The following ABLIM1 variants were observed in gnomAD, a reference collection of about 807,000 sequenced individuals.
ABLIM1 encodes actin-binding LIM protein 1.
Under a neutral mutation model 107.0 loss-of-function variants are expected in ABLIM1, and 40 were observed. That is an observed-to-expected ratio of 0.37 (90% CI 0.29 to 0.49). The LOEUF (loss-of-function observed/expected upper bound fraction) is 0.49, where lower values mean the gene tolerates loss of function less well. Among genes scored for constraint, ABLIM1 ranks in the 20% least tolerant of loss-of-function variants. ABLIM1 has a pLI of 0.97. For synonymous variants in ABLIM1, 357 were observed against 357.3 expected, an observed-to-expected ratio of 1.00 and a Z score of 0.01; for missense variants, 857 against 1,008.5, an observed-to-expected ratio of 0.85 and a Z score of 2.04.
intron 1 of ABLIM1, among the ~76,000 whole-genome samples, chr10:114,647,439 C>G (rs1238967814): frequency 1.3e-5 from 2 of 152,208 alleles, no homozygotes; most frequent in Non-Finnish European, 2.9e-5. Context: ...CATGATAGCA[C>G]TTCAGGGAAA....
chr10:114,604,039 A>G (rs2076237987), intron 1 of ABLIM1, among the ~76,000 whole-genome samples: 1 of 152,202 alleles, frequency 6.6e-6, no homozygotes, highest in African/African-American at 2.4e-5. Flanking sequence ...TTCTTATAAG[A>G]AAGAAGACAA....
chr10:114,710,039 G>C (rs2081513993), intron 1 of ABLIM1, among the ~76,000 whole-genome samples: 1 of 152,060 alleles, frequency 6.6e-6, no homozygotes, highest in African/African-American at 2.4e-5. Context: ...TATTTACTTG[G>C]GCAAGAGTTG....
chr10:114,663,639 T>A (rs997762167), intron 1 of ABLIM1, among the ~76,000 whole-genome samples: 1 of 152,220 alleles, frequency 6.6e-6, no homozygotes, highest in Non-Finnish European at 1.5e-5. Flanking sequence ...TAATTATCAT[T>A]CCTCCTGGTT....
At chr10:114,441,424 G>A (rs2060180750) in intron 18 of ABLIM1, among the ~76,000 whole-genome samples, 1 of 152,158 alleles carries the variant, frequency 6.6e-6, no homozygotes. Flanking sequence ...AATGGTTCAA[G>A]TAATTACTTT....
chr10:114,447,606 C>G (rs1289631085), intron 15 of ABLIM1, among the ~76,000 whole-genome samples: 1 of 152,208 alleles, frequency 6.6e-6, no homozygotes, highest in Non-Finnish European at 1.5e-5. Context: ...GCAGTATTAA[C>G]TCTGAGAGTC....
At chr10:114,491,718 C>CA in intron 7 of ABLIM1, 73 bp downstream of exon 7, 2 of 1,436,434 alleles carry the variant, frequency 1.4e-6, no homozygotes, top group Non-Finnish European at 1.9e-6. Flanking sequence ...TCTCTAAAAA[C>CA]AATCAAACAA....
chr10:114,693,386 A>T (rs1456650135), intron 1 of ABLIM1, among the ~76,000 whole-genome samples: 2 of 152,124 alleles, frequency 1.3e-5, no homozygotes, highest in East Asian at 1.9e-4. Flanking sequence ...AGTGTAAGTG[A>T]CTACAGCAAG....
intron 6 of ABLIM1, chr10:114,502,459 G>A (rs1184815251): frequency 6.6e-6 from 1 of 152,092 alleles, no homozygotes; most frequent in Non-Finnish European, 1.5e-5. Context: ...CACCTTCTTT[G>A]TAGGGGGAAA....
chr10:114,632,798 G>A (rs1217323647), intron 1 of ABLIM1: 1 of 985,194 alleles, frequency 1.0e-6, no homozygotes, highest in Non-Finnish European at 1.2e-6. Context: ...ATATACCAGG[G>A]AGGAACTCCA....
the ABLIM1 span, among the ~76,000 whole-genome samples, chr10:114,788,333 A>AT: frequency 7.5e-6 from 1 of 133,704 alleles, no homozygotes; most frequent in Non-Finnish European, 1.5e-5. Context: ...CAATAAAAAA[A>AT]TAAAAAAAAA....
rs949801903 is a variant in ABLIM1, at chr10:114,444,217, C to T, written c.1828-83G>A. The T allele has an allele frequency of 8.6e-6, 10 of 1,166,764 alleles. No individual in the cohort carries two copies. In the African/African-American group the frequency reaches 1.4e-4, roughly 16 times the overall value. The allele number at this position is 1,166,764 out of a possible 1,614,324, so 72.3% of individuals were successfully genotyped here. A position where few individuals can be genotyped will look rare whatever the true frequency, so the allele number is the denominator to read the frequency against. On this transcript the variant is annotated intron_variant, in intron 16 of 22. Coordinates refer to ENST00000533213, the MANE Select transcript of ABLIM1 (RefSeq NM_002313.7). ...TCATGGAGCTGCAGTTTCTTTGTAG[C>T]AGATCCCACAAGAAGTTTCTCTTGC...
intron 1 of ABLIM1, among the ~76,000 whole-genome samples, chr10:114,752,092 T>C (rs1271912664): frequency 6.6e-6 from 1 of 152,176 alleles, no homozygotes; most frequent in East Asian, 1.9e-4. Context: ...AGATGATGCA[T>C]TACAGGAATT....
chr10:114,519,593 T>C (rs1471799285), intron 6 of ABLIM1, among the ~76,000 whole-genome samples: 1 of 152,168 alleles, frequency 6.6e-6, no homozygotes, highest in Non-Finnish European at 1.5e-5. Context: ...TATTAATGAG[T>C]ACATCCAAGG....
intron 1 of ABLIM1, among the ~76,000 whole-genome samples, chr10:114,621,134 C>T (rs186447107): frequency 4.6e-5 from 7 of 152,316 alleles, no homozygotes; most frequent in Non-Finnish European, 4.4e-5. Flanking sequence ...GTCCCTTTCT[C>T]GCCATCCTCT....
intron 5 of ABLIM1, among the ~76,000 whole-genome samples, chr10:114,545,621 A>AT (rs2137544073): frequency 6.6e-6 from 1 of 152,304 alleles, no homozygotes; most frequent in African/African-American, 2.4e-5. Flanking sequence ...TATAATACAT[A>AT]TAGTTATTAA....
At chr10:114,574,057 G>C (rs548424798) in intron 3 of ABLIM1, among the ~76,000 whole-genome samples, 8 of 152,250 alleles carry the variant, frequency 5.3e-5, no homozygotes, top group African/African-American at 1.9e-4. Flanking sequence ...TGAATATTTT[G>C]TGTCTTATTA....
At chr10:114,512,806 C>T (rs757499160) in intron 6 of ABLIM1, among the ~76,000 whole-genome samples, 15 of 140,398 alleles carry the variant, frequency 1.1e-4, no homozygotes, top group Non-Finnish European at 2.0e-4. Context: ...GCCTGGGTGA[C>T]AGAGTGAGAC....
intron 1 of ABLIM1, among the ~76,000 whole-genome samples, chr10:114,650,208 C>T (rs913881434): frequency 5.3e-5 from 8 of 152,142 alleles, no homozygotes; most frequent in African/African-American, 1.9e-4. Context: ...TACCCATGGC[C>T]GTCACAGGTC....
chr10:114,558,783 T>C (rs2069164346), intron 4 of ABLIM1, among the ~76,000 whole-genome samples: 1 of 152,202 alleles, frequency 6.6e-6, no homozygotes, highest in African/African-American at 2.4e-5. Flanking sequence ...GTAATAAGCC[T>C]GTATTTCCTG....
Sources: gnomAD v4.1 joint callset for allele counts (sites outside exome capture counted in the v4.1 genomes callset) on GRCh38, gnomAD v4.1.1 for gene constraint, MANE v1.5 for transcripts, NCBI Gene and HGNC (gene_info 2026-07-23, HGNC 2026-07-21) for gene names.